DZIP3: variants seen among roughly 807,000 people sequenced by gnomAD.
DZIP3 encodes E3 ubiquitin-protein ligase DZIP3.
A neutral mutation model predicts 162.0 loss-of-function variants in DZIP3; 118 were observed. That is an observed-to-expected ratio of 0.73 (90% CI 0.63 to 0.85). DZIP3 has a LOEUF of 0.85. Ranked by LOEUF, DZIP3 falls within the 40% of genes least tolerant of loss-of-function variation. The pLI is 0.00. For missense variants in DZIP3, 1,331 were observed against 1,407.0 expected (o/e 0.95, Z 0.86); for synonymous variants, 438 against 458.6 (o/e 0.96, Z 0.57).
At chr3:108,619,302 ATGTGTGTG>A (rs35589891) in intron 5 of DZIP3, among the ~76,000 whole-genome samples, 1 of 148,226 alleles carries the variant, frequency 6.7e-6, no homozygotes, top group East Asian at 2.0e-4. Context: ...ATATGTGTGT[ATGTGTGTG>A]TGTGTGTGTG....
At chr3:108,657,762 A>G (rs1055244465) in intron 19 of DZIP3, among the ~76,000 whole-genome samples, 4 of 152,210 alleles carry the variant, frequency 2.6e-5, no homozygotes, top group Admixed American at 6.5e-5. Context: ...GTGCAGAGAC[A>G]CACATAGGCT....
At chr3:108,620,570 A>G (rs1208872470) in intron 5 of DZIP3, among the ~76,000 whole-genome samples, 1 of 152,228 alleles carries the variant, frequency 6.6e-6, no homozygotes, top group East Asian at 1.9e-4. Context: ...AGATAAAAGA[A>G]CTATTCCACC....
At chr3:108,683,393 C>T (rs1184735311) in intron 26 of DZIP3, among the ~76,000 whole-genome samples, 1 of 152,138 alleles carries the variant, frequency 6.6e-6, no homozygotes, top group Non-Finnish European at 1.5e-5. Context: ...ATTAATTTTT[C>T]ACATGATATT....
At chr3:108,619,915 A>AC (rs397749547) in intron 5 of DZIP3, among the ~76,000 whole-genome samples, 1 of 151,676 alleles carries the variant, frequency 6.6e-6, no homozygotes, top group African/African-American at 2.4e-5. Flanking sequence ...AAAAAAAAAA[A>AC]CAGGAAATTG....
At chr3:108,673,211 A>C (rs1478281673) in intron 23 of DZIP3, among the ~76,000 whole-genome samples, 1 of 151,922 alleles carries the variant, frequency 6.6e-6, no homozygotes, top group Non-Finnish European at 1.5e-5. Context: ...ATTTTTGGAG[A>C]GATCACTGAC....
chr3:108,592,142 G>A lies in DZIP3; in HGVS notation c.-73+2303G>A, dbSNP rs192902856. Among the ~76,000 whole-genome samples the A allele has an allele frequency of 6.0e-4, 91 of 152,246 alleles. No homozygotes were observed. The Middle Eastern group carries it at 0.01, about 17-fold the overall frequency. On this transcript the variant is annotated intron_variant, in intron 1 of 32. Coordinates refer to ENST00000361582, the MANE Select transcript of DZIP3 (RefSeq NM_014648.4). ...AGATTGATTACTCTGGTAGCTGAAT[G>A]AACTATGATTTTGGGGAGGATAAGA...
At chr3:108,684,430 CATTT>C (rs1944429295) in intron 27 of DZIP3, 89 bp downstream of exon 27, 2 of 1,458,630 alleles carry the variant, frequency 1.4e-6, no homozygotes, top group Admixed American at 2.1e-5. Flanking sequence ...TTTGTTCATT[CATTT>C]GATATGATAA....
At chr3:108,616,425 T>G in intron 4 of DZIP3, 116 bp from the exon 5 acceptor site, 3 of 672,274 alleles carry the variant, frequency 4.5e-6, no homozygotes, top group East Asian at 2.9e-5. Context: ...TTTTAAACCG[T>G]CTTTATCTCT....
rs117433511 is a variant in DZIP3 at position 108,611,137 on chromosome 3, C to T, written c.103-37C>T. The T allele has an allele frequency of 7.2e-5, 110 of 1,532,888 alleles. No individual in the cohort carries two copies. In the East Asian group the frequency reaches 2.4e-3, roughly 34 times the overall value. 95.0% of individuals were successfully genotyped at this position (1,532,888 alleles called of 1,614,324 possible). ...AGAATTAAGAGTGAATGAGAATATG[C>T]AAACTGTGTAAATTTTTAATCAATA... On this transcript the variant is annotated intron_variant, in intron 3 of 32. Coordinates refer to ENST00000361582, the MANE Select transcript of DZIP3 (RefSeq NM_014648.4).
intron 4 of DZIP3, among the ~76,000 whole-genome samples, chr3:108,611,775 GC>G (rs1940718007): frequency 6.6e-6 from 1 of 152,124 alleles, no homozygotes; most frequent in Non-Finnish European, 1.5e-5. Flanking sequence ...GACCAGCCTG[GC>G]CAACATGGTG....
intron 16 of DZIP3, 157 bp downstream of exon 16, chr3:108,648,269 C>A: frequency 1.7e-6 from 1 of 602,068 alleles, no homozygotes; most frequent in Non-Finnish European, 2.6e-6. Context: ...TTCCTTGCCT[C>A]AGTACTTCCT....
At chr3:108,662,310 C>A (rs1576438875) in intron 21 of DZIP3, 53 bp downstream of exon 21, 1 of 1,531,470 alleles carries the variant, frequency 6.5e-7, no homozygotes, top group Non-Finnish European at 8.7e-7. Context: ...TAAACAGTAT[C>A]TTTAATAGTT....
In DZIP3 at chr3:108,634,973, G is replaced by T; in HGVS notation, c.918+1G>T. 6.5e-7 allele frequency: 1 copy of T among 1,544,580 alleles called. No individual in the cohort carries two copies. Among genetic ancestry groups the T allele is most frequent in the Non-Finnish European group, 8.9e-7 (1 of 1,129,398 alleles). On this transcript the variant is annotated splice_donor_variant, in intron 10 of 32. Transcript: ENST00000361582. LOFTEE classifies it high-confidence loss of function. The stretch of plus-strand genomic sequence containing the variant: ...AAAGTATCCAGGTGAAAATGATCAG[G>T]TATTATATTCGTTCTTAAAACTACA...
In DZIP3 at chr3:108,631,008, T is replaced by TAC. The variant is rs779771238; in HGVS notation, c.696+1879_696+1880dup. ...GAGTTTAGCTTGCTTATACATCCCCTACACACACACACACACACACACACA... is the reference window on the plus strand; with the variant it reads ...GAGTTTAGCTTGCTTATACATCCCCTACACACACACACACACACACACACACA... On this transcript the variant is annotated intron_variant, in intron 8 of 32. Coordinates refer to ENST00000361582, the MANE Select transcript of DZIP3 (RefSeq NM_014648.4). 2.9e-3 allele frequency among the ~76,000 whole-genome samples: 80 copies of TAC among 27,446 alleles called. 4 individuals are homozygous for TAC. Among genetic ancestry groups the TAC allele is most frequent in the East Asian group, 0.012 (9 of 758 alleles). 18.0% of individuals were successfully genotyped at this position (27,446 alleles called of 152,430 possible). A position where few individuals can be genotyped will look rare whatever the true frequency, so the allele number is the denominator to read the frequency against.
At chr3:108,589,557 G>T (rs965505445), upstream of DZIP3, 8 of 495,384 alleles carry the variant, frequency 1.6e-5, no homozygotes, top group African/African-American at 1.6e-4. Flanking sequence ...GCCGGGGTGG[G>T]CCAGGGGTCG....
intron 22 of DZIP3, among the ~76,000 whole-genome samples, chr3:108,671,258 A>T (rs1362145679): frequency 2.0e-5 from 3 of 151,890 alleles, no homozygotes; most frequent in Admixed American, 6.6e-5. Flanking sequence ...AGCCTTAATG[A>T]TATTTATAAT....
intron 8 of DZIP3, among the ~76,000 whole-genome samples, chr3:108,631,562 T>TATC (rs1433117823): frequency 6.9e-6 from 1 of 145,514 alleles, no homozygotes; most frequent in Non-Finnish European, 1.5e-5. Flanking sequence ...AAAAAATTAT[T>TATC]ATTATTATTA....
At chr3:108,625,564 G>GT (rs11394271) in intron 6 of DZIP3, among the ~76,000 whole-genome samples, 1,693 of 152,206 alleles carry the variant, frequency 0.011, 8 homozygotes, top group Non-Finnish European at 0.017. Context: ...CTAATTGCCA[G>GT]TTTTAGATAC....
chr3:108,611,133 T>C (rs367990072), intron 3 of DZIP3, 41 bp from the exon 4 acceptor site: 3 of 1,524,082 alleles, frequency 2.0e-6, no homozygotes, highest in African/African-American at 2.8e-5. Flanking sequence ...TGAATGAGAA[T>C]ATGCAAACTG....
Sources: allele counts gnomAD v4.1 joint callset (sites outside exome capture counted in the v4.1 genomes callset), GRCh38; gene constraint gnomAD v4.1.1; transcripts MANE v1.5; gene names NCBI Gene and HGNC (gene_info 2026-07-23, HGNC 2026-07-21).